DLGAP1: variants seen among roughly 807,000 people sequenced by gnomAD.
The protein encoded by DLGAP1 is DLG associated protein 1, also known as disks large-associated protein 1.
Under a neutral mutation model 90.8 loss-of-function variants are expected in DLGAP1, and 11 were observed. The ratio of observed to expected loss-of-function variants is 0.12; its 90% CI spans 0.08 to 0.20. The LOEUF is 0.20. DLGAP1 is among the 10% of genes least tolerant of loss of function. DLGAP1 has a pLI of 1.00. For missense variants in DLGAP1, 1,050 were observed against 1,333.8 expected, an observed-to-expected ratio of 0.79 and a Z score of 3.31; for synonymous variants, 558 against 540.7, an observed-to-expected ratio of 1.03 and a Z score of -0.44.
chr18:3,772,158 T>C (rs537654748), intron 5 of DLGAP1, among the ~76,000 whole-genome samples: 1 of 126,298 alleles, frequency 7.9e-6, no homozygotes, highest in East Asian at 2.2e-4. Flanking sequence ...TTCCTTCCCT[T>C]TCTTTCTCTC....
intron 1 of DLGAP1, among the ~76,000 whole-genome samples, chr18:4,369,842 C>CG (rs1158544018): frequency 1.6e-5 from 2 of 122,310 alleles, no homozygotes; most frequent in Admixed American, 1.6e-4. Context: ...AAAAAAAAGG[C>CG]GGGGGGAAGA....
At chr18:3,682,520 G>T (rs2146912934) in intron 7 of DLGAP1, among the ~76,000 whole-genome samples, 1 of 152,312 alleles carries the variant, frequency 6.6e-6, no homozygotes, top group Middle Eastern at 3.4e-3. Flanking sequence ...AAGAAGTTGG[G>T]CCCGATCCTC....
intron 10 of DLGAP1, 69 bp from the exon 11 acceptor site, chr18:3,508,730 A>G (rs1464685404): frequency 7.7e-6 from 10 of 1,305,732 alleles, no homozygotes; most frequent in Non-Finnish European, 1.1e-5. Context: ...CTGGTAAAGC[A>G]AAGAGGAAGT....
chr18:4,361,765 A>G (rs909085345), intron 1 of DLGAP1, among the ~76,000 whole-genome samples: 4 of 152,200 alleles, frequency 2.6e-5, no homozygotes, highest in African/African-American at 7.2e-5. Flanking sequence ...CTGTGTGTCA[A>G]AAGACAGTAA....
intron 3 of DLGAP1, among the ~76,000 whole-genome samples, chr18:3,936,947 T>G (rs1276130218): frequency 6.6e-6 from 1 of 152,156 alleles, no homozygotes; most frequent in African/African-American, 2.4e-5. Context: ...TAGTCAACTC[T>G]GACATGTAGG....
At chr18:4,128,908 T>A (rs2076272401) in intron 2 of DLGAP1, among the ~76,000 whole-genome samples, 1 of 152,152 alleles carries the variant, frequency 6.6e-6, no homozygotes, top group African/African-American at 2.4e-5. Flanking sequence ...ATTTTTTTTT[T>A]AACTTGTAGT....
At chr18:3,861,135 A>G (rs2070026448) in intron 4 of DLGAP1, among the ~76,000 whole-genome samples, 1 of 152,190 alleles carries the variant, frequency 6.6e-6, no homozygotes, top group Non-Finnish European at 1.5e-5. Flanking sequence ...GAAGATCTTC[A>G]TTGTTTGTTA....
intron 3 of DLGAP1, among the ~76,000 whole-genome samples, chr18:4,000,487 A>G (rs1174209590): frequency 6.6e-6 from 1 of 152,182 alleles, no homozygotes; most frequent in Non-Finnish European, 1.5e-5. Context: ...TACAGGCATT[A>G]TGAGTTATAC....
intron 2 of DLGAP1, among the ~76,000 whole-genome samples, chr18:4,119,646 C>T (rs893740308): frequency 1.3e-5 from 2 of 152,154 alleles, no homozygotes; most frequent in Non-Finnish European, 2.9e-5. Flanking sequence ...ATCAGGGCTC[C>T]AGACTTCCAA....
At chr18:3,585,107 T>A (rs1356687065) in intron 7 of DLGAP1, among the ~76,000 whole-genome samples, 1 of 152,156 alleles carries the variant, frequency 6.6e-6, no homozygotes, top group Admixed American at 6.5e-5. Context: ...ACTTCCTCAT[T>A]TTTTAGCTAA....
At chr18:3,743,731 G>A (rs1475620246) in intron 5 of DLGAP1, among the ~76,000 whole-genome samples, 2 of 152,086 alleles carry the variant, frequency 1.3e-5, no homozygotes, top group African/African-American at 4.8e-5. Flanking sequence ...GCTCACTGCA[G>A]CCTCCGCCTC....
intron 4 of DLGAP1, among the ~76,000 whole-genome samples, chr18:3,865,806 A>T (rs1599048850): frequency 6.6e-6 from 1 of 152,324 alleles, no homozygotes; most frequent in East Asian, 1.9e-4. Flanking sequence ...AATAAAGACA[A>T]TGTAAGAAGA....
intron 1 of DLGAP1, among the ~76,000 whole-genome samples, chr18:4,352,488 G>T (rs2081422307): frequency 1.3e-5 from 2 of 151,996 alleles, no homozygotes; most frequent in African/African-American, 4.8e-5. Context: ...TGTTGTGGGG[G>T]ATACAGGTAT....
At chr18:3,649,420 A>G (rs1639367) in intron 7 of DLGAP1, among the ~76,000 whole-genome samples, 35,230 of 152,126 alleles carry the variant, frequency 0.23, 4,624 homozygotes, top group African/African-American at 0.35. Context: ...GGATTTATAA[A>G]CTGGCTCTGT....
At chr18:3,882,257 C>T (rs2071191724) in intron 3 of DLGAP1, among the ~76,000 whole-genome samples, 1 of 152,016 alleles carries the variant, frequency 6.6e-6, no homozygotes, top group Admixed American at 6.6e-5. Flanking sequence ...ACGCACAAGA[C>T]CAGGCGTGGT....
At chr18:3,696,247 G>T (rs1003179213) in intron 7 of DLGAP1, among the ~76,000 whole-genome samples, 1 of 152,160 alleles carries the variant, frequency 6.6e-6, no homozygotes. Flanking sequence ...AATAGGAGTG[G>T]TGAGAGAGGG....
intron 1 of DLGAP1, among the ~76,000 whole-genome samples, chr18:4,261,532 C>T (rs1300474782): frequency 2.0e-5 from 3 of 152,174 alleles, no homozygotes; most frequent in Non-Finnish European, 4.4e-5. Flanking sequence ...TCAGCTCAAA[C>T]TTATCTACTC....
chr18:4,349,324 A>C (rs2081361727), intron 1 of DLGAP1, among the ~76,000 whole-genome samples: 1 of 152,200 alleles, frequency 6.6e-6, no homozygotes, highest in African/African-American at 2.4e-5. Flanking sequence ...CAAAGTTGTC[A>C]AAGTCATAAA....
At chr18:3,597,275 G>A (rs1417290566) in intron 7 of DLGAP1, 2 of 491,796 alleles carry the variant, frequency 4.1e-6, no homozygotes, top group Admixed American at 2.4e-5. Context: ...AGGAATAAAA[G>A]GAAAAATCTG....
Sources: allele counts gnomAD v4.1 joint callset (sites outside exome capture counted in the v4.1 genomes callset), GRCh38; gene constraint gnomAD v4.1.1; transcripts MANE v1.5; gene names NCBI Gene and HGNC (gene_info 2026-07-23, HGNC 2026-07-21).